The following STX17 variants were observed in gnomAD, a reference collection of about 807,000 sequenced individuals.
The protein encoded by STX17 is syntaxin-17.
STX17 carries 29 observed loss-of-function variants against 35.9 expected under a neutral mutation model. The ratio of observed to expected loss-of-function variants is 0.81; its 90% CI spans 0.60 to 1.10. The LOEUF (loss-of-function observed/expected upper bound fraction) is 1.10, where lower values mean the gene tolerates loss of function less well. Among genes scored for constraint, STX17 ranks in the 50% least tolerant of loss-of-function variants. The pLI, the probability that STX17 is intolerant of heterozygous loss-of-function variation, is 0.00. For synonymous variants in STX17, 92 were observed against 118.3 expected, an observed-to-expected ratio of 0.78 and a Z score of 1.44; for missense variants, 312 against 352.3, an observed-to-expected ratio of 0.89 and a Z score of 0.92.
At chr9:99,930,336 C>T (rs184177652) in intron 3 of STX17, among the ~76,000 whole-genome samples, 7 of 151,824 alleles carry the variant, frequency 4.6e-5, no homozygotes, top group Admixed American at 3.9e-4. Flanking sequence ...GGCTCAATCT[C>T]GGCTCACTGC....
At chr9:99,943,200 C>T (rs1469936416) in intron 3 of STX17, among the ~76,000 whole-genome samples, 1 of 152,162 alleles carries the variant, frequency 6.6e-6, no homozygotes, top group African/African-American at 2.4e-5. Flanking sequence ...GTGGCGCGAT[C>T]TCTGCTCACT....
At chr9:99,915,749 A>G (rs1479591611) in intron 2 of STX17, among the ~76,000 whole-genome samples, 1 of 152,050 alleles carries the variant, frequency 6.6e-6, no homozygotes, top group Non-Finnish European at 1.5e-5. Flanking sequence ...TGGAGAAACA[A>G]GTTCTTGCTT....
intron 3 of STX17, among the ~76,000 whole-genome samples, chr9:99,945,567 C>T (rs1428612171): frequency 6.6e-6 from 1 of 151,136 alleles, no homozygotes; most frequent in East Asian, 2.0e-4. Context: ...ATATTTATTT[C>T]ATTTTTATTT....
rs775504050 is a variant in STX17 at position 99,915,287 on chromosome 9, T to C, written c.48T>C (p.Ala16=). ...TGAAATTACGCCGTCTTGAACCAGC[T>C]ATCCAGAAATTCATTAAGATAGTAA... ...EKVKLRRLEP[A]IQKFIKIVIP... Residue 16 remains alanine (A), a synonymous_variant, in exon 2 of 8, where the codon GCT becomes GCC. Coordinates refer to ENST00000259400, the MANE Select transcript of STX17 (RefSeq NM_017919.3). The C allele has an allele frequency of 6.2e-7, 1 of 1,613,052 alleles. No individual in the cohort carries two copies. Among genetic ancestry groups the C allele is most frequent in the Non-Finnish European group, 8.5e-7 (1 of 1,179,540 alleles).
rs1024642621 is a variant in STX17 at position 99,926,043 on chromosome 9, A to G, written c.124-2735A>G. 8.6e-5 allele frequency among the ~76,000 whole-genome samples: 13 copies of G among 151,348 alleles called. No individual in the cohort carries two copies. In the South Asian group the frequency reaches 2.7e-3, roughly 32 times the overall value. ...TTTTTCTCTGTGTGTTTCATTTTGG[A>G]TAGTTTCTATTGCTGTGTCCTTAGG... On this transcript the variant is annotated intron_variant, in intron 2 of 7. Transcript: ENST00000259400.
Position 99,915,306 on chromosome 9 carries a change from A to G in STX17, c.67A>G (p.Ile23Val), listed in dbSNP as rs147921283. ...LEPAIQKFIK[I>V]VIPTDLERLR... ...ACCAGCTATCCAGAAATTCATTAAGATAGTAATCCCAACAGACCTGGAAAG... is the reference window on the plus strand; with the variant it reads ...ACCAGCTATCCAGAAATTCATTAAGGTAGTAATCCCAACAGACCTGGAAAG... The change falls in exon 2 of 8, where the codon ATA (isoleucine) becomes GTA (valine). Residue 23 changes from isoleucine to valine, a missense_variant. Transcript: ENST00000259400. The G allele has an allele frequency of 3.7e-6, 6 of 1,613,030 alleles. No individual in the cohort carries two copies. The South Asian group carries it at 6.6e-5, about 18-fold the overall frequency.
At chr9:99,955,687 C>T (rs767653418) in intron 4 of STX17, among the ~76,000 whole-genome samples, 1 of 151,958 alleles carries the variant, frequency 6.6e-6, no homozygotes, top group East Asian at 1.9e-4. Flanking sequence ...TAGGTTATTT[C>T]GTTTATTTCT....
intron 4 of STX17, among the ~76,000 whole-genome samples, chr9:99,957,111 A>C (rs541160643): frequency 6.6e-6 from 1 of 152,138 alleles, no homozygotes; most frequent in Non-Finnish European, 1.5e-5. Flanking sequence ...CTTGCTTTGT[A>C]CCATCAAACT....
rs893471493 is a variant in STX17, at chr9:99,973,414, A to G, written c.*4741A>G. ...GCTTCAACATTCCAAATCAGGCAAT[A>G]GCTACAACGGAAAGATAATTGGACG... On this transcript the variant is annotated 3_prime_UTR_variant, in exon 8 of 8. Transcript: ENST00000259400. Among the ~76,000 whole-genome samples, 2 of 152,202 alleles carry G rather than the reference A, an allele frequency of 1.3e-5. No individual in the cohort carries two copies. The highest frequency in any genetic ancestry group is 2.9e-5 in the Non-Finnish European group (2 of 68,030).
intron 6 of STX17, 116 bp downstream of exon 6, chr9:99,960,271 A>G (rs1829802398): frequency 1.9e-6 from 2 of 1,043,282 alleles, no homozygotes; most frequent in Non-Finnish European, 2.8e-6. Context: ...TAAGACTGGT[A>G]TTAAGCCATA....
At chr9:99,928,978 C>T in intron 3 of STX17, 135 bp downstream of exon 3, 1 of 728,906 alleles carries the variant, frequency 1.4e-6, no homozygotes, top group Non-Finnish European at 2.2e-6. Flanking sequence ...ACATTTTTAG[C>T]AGAAATTGCT....
At chr9:99,965,219 A>G (rs1415628760) in intron 6 of STX17, among the ~76,000 whole-genome samples, 1 of 152,224 alleles carries the variant, frequency 6.6e-6, no homozygotes, top group Non-Finnish European at 1.5e-5. Flanking sequence ...TTCTTCAGTT[A>G]TTCCAAATGA....
intron 2 of STX17, among the ~76,000 whole-genome samples, chr9:99,917,693 G>A (rs1828802687): frequency 1.3e-5 from 2 of 152,098 alleles, no homozygotes; most frequent in Non-Finnish European, 2.9e-5. Context: ...AGCTTTCTTG[G>A]CTAATGTAAG....
intron 1 of STX17, among the ~76,000 whole-genome samples, chr9:99,912,831 C>G (rs896727487): frequency 6.6e-6 from 1 of 152,038 alleles, no homozygotes; most frequent in African/African-American, 2.4e-5. Context: ...TTATTCTATC[C>G]GTTAACAGTT....
chr9:99,915,389 G>A, intron 2 of STX17, 27 bp downstream of exon 2: 1 of 1,573,014 alleles, frequency 6.4e-7, no homozygotes. Context: ...ACTACCACAA[G>A]AAATAGTTAC....
chr9:99,972,770 T>C lies in STX17; in HGVS notation c.*4097T>C, dbSNP rs1422952455. ...TTGTGTTAACCTTAAATATGAAAGGTGTTTCTCAGGGTCCCCTTTGTCCTT... is the reference window on the plus strand; with the variant it reads ...TTGTGTTAACCTTAAATATGAAAGGCGTTTCTCAGGGTCCCCTTTGTCCTT... On this transcript the variant is annotated 3_prime_UTR_variant, in exon 8 of 8. Transcript: ENST00000259400. Among the ~76,000 whole-genome samples the C allele has an allele frequency of 6.6e-6, 1 of 152,026 alleles. No homozygotes were observed. Among genetic ancestry groups the C allele is most frequent in the Non-Finnish European group, 1.5e-5 (1 of 68,000 alleles).
chr9:99,929,546 T>G (rs976670427), intron 3 of STX17, among the ~76,000 whole-genome samples: 7 of 151,932 alleles, frequency 4.6e-5, no homozygotes, highest in African/African-American at 1.4e-4. Flanking sequence ...TCCCTGAAAT[T>G]TACCTATATT....
At chr9:99,954,712 T>G (rs1176135190) in intron 4 of STX17, among the ~76,000 whole-genome samples, 2 of 152,080 alleles carry the variant, frequency 1.3e-5, no homozygotes, top group African/African-American at 2.4e-5. Flanking sequence ...CTTTTTACTT[T>G]ACAAATTCAA....
chr9:99,933,101 C>A (rs1664417872), intron 3 of STX17, among the ~76,000 whole-genome samples: 1 of 152,048 alleles, frequency 6.6e-6, no homozygotes, highest in African/African-American at 2.4e-5. Context: ...AGTCTTTAAT[C>A]CATCTGGAAT....
Sources: allele counts gnomAD v4.1 joint callset (sites outside exome capture counted in the v4.1 genomes callset), GRCh38; gene constraint gnomAD v4.1.1; transcripts MANE v1.5; gene names NCBI Gene and HGNC (gene_info 2026-07-23, HGNC 2026-07-21).